NRXN3: variants seen among roughly 807,000 people sequenced by gnomAD.
NRXN3 encodes the protein neurexin 3, also known as neurexin III.
Under a neutral mutation model 137.6 loss-of-function variants are expected in NRXN3, and 32 were observed. That is an observed-to-expected ratio of 0.23 (90% confidence interval 0.18 to 0.31). NRXN3 has a LOEUF of 0.31. Among genes scored for constraint, NRXN3 ranks in the 10% least tolerant of loss-of-function variants. NRXN3 has a pLI of 1.00. For synonymous variants in NRXN3, 798 were observed against 784.5 expected, an observed-to-expected ratio of 1.02 and a Z score of -0.29; for missense variants, 1,574 against 2,062.5, an observed-to-expected ratio of 0.76 and a Z score of 4.59.
At chr14:78,570,665 AG>A (rs1421799146) in intron 4 of NRXN3, among the ~76,000 whole-genome samples, 1 of 152,220 alleles carries the variant, frequency 6.6e-6, no homozygotes, top group Non-Finnish European at 1.5e-5. Flanking sequence ...AGTCTGGTCA[AG>A]GGCTATGTTG....
At chr14:78,467,537 G>A (rs1443913067) in intron 4 of NRXN3, among the ~76,000 whole-genome samples, 2 of 152,190 alleles carry the variant, frequency 1.3e-5, no homozygotes, top group Non-Finnish European at 2.9e-5. Context: ...TACTCTGTGT[G>A]TTATGTTGAC....
intron 16 of NRXN3, among the ~76,000 whole-genome samples, chr14:79,517,648 T>C (rs1269842426): frequency 7.3e-6 from 1 of 137,434 alleles, no homozygotes; most frequent in Non-Finnish European, 1.6e-5. Flanking sequence ...GGACGTGAGG[T>C]ATTGATACAA....
chr14:79,536,757 G>C (rs1413157203), intron 16 of NRXN3, among the ~76,000 whole-genome samples: 2 of 151,994 alleles, frequency 1.3e-5, no homozygotes, highest in African/African-American at 4.8e-5. Context: ...ATGGCTTCCA[G>C]CTCCCTCCAT....
intron 4 of NRXN3, among the ~76,000 whole-genome samples, chr14:78,602,267 C>CTTTTTTTTTTTTTTTTTTTTTTTTTTT (rs370669288): frequency 1.7e-5 from 2 of 115,282 alleles, no homozygotes; most frequent in East Asian, 2.9e-4. Flanking sequence ...TCACATTAGC[C>CTTTTTTTTTTTTTTTTTTTTTTTTTTT]TTTTTTTTTT....
intron 15 of NRXN3, among the ~76,000 whole-genome samples, chr14:79,383,162 A>G (rs776486735): frequency 4.6e-5 from 7 of 152,170 alleles, no homozygotes; most frequent in Non-Finnish European, 7.3e-5. Flanking sequence ...CTTGAATTTC[A>G]GTGGACTAGG....
At chr14:79,297,350 CTTTTTAAAAG>C (rs1326707711) in intron 15 of NRXN3, among the ~76,000 whole-genome samples, 1 of 151,958 alleles carries the variant, frequency 6.6e-6, no homozygotes, top group African/African-American at 2.4e-5. Context: ...AAATAACTGA[CTTTTTAAAAG>C]TACAGGTATG....
At chr14:79,759,087 T>G (rs1364387890) in intron 19 of NRXN3, among the ~76,000 whole-genome samples, 1 of 152,198 alleles carries the variant, frequency 6.6e-6, no homozygotes, top group Non-Finnish European at 1.5e-5. Flanking sequence ...GTAATAAGAT[T>G]TTTTTAGATA....
intron 16 of NRXN3, chr14:79,632,486 G>A (rs2098364068): frequency 6.6e-6 from 1 of 151,998 alleles, no homozygotes; most frequent in South Asian, 2.1e-4. Context: ...GTGGAAACAA[G>A]AAGGCCAGAG....
At chr14:79,705,421 T>A (rs1368997934) in intron 19 of NRXN3, among the ~76,000 whole-genome samples, 1 of 152,164 alleles carries the variant, frequency 6.6e-6, no homozygotes, top group Non-Finnish European at 1.5e-5. Flanking sequence ...GTGAAACCGG[T>A]GAGGCAGGAT....
At chr14:78,914,156 A>G (rs2099248634) in intron 10 of NRXN3, among the ~76,000 whole-genome samples, 1 of 152,122 alleles carries the variant, frequency 6.6e-6, no homozygotes, top group African/African-American at 2.4e-5. Flanking sequence ...TCCAACCAAC[A>G]CCTCATTTAT....
intron 4 of NRXN3, among the ~76,000 whole-genome samples, chr14:78,567,667 G>A (rs1318519357): frequency 3.9e-5 from 6 of 152,032 alleles, no homozygotes; most frequent in South Asian, 4.2e-4. Flanking sequence ...ACCTCTTATC[G>A]AGTGGGGTTT....
chr14:78,455,179 A>C (rs972600545), intron 4 of NRXN3, among the ~76,000 whole-genome samples: 1 of 152,146 alleles, frequency 6.6e-6, no homozygotes, highest in Non-Finnish European at 1.5e-5. Context: ...CACCCCCTAC[A>C]TGGGACCTTC....
intron 15 of NRXN3, among the ~76,000 whole-genome samples, chr14:79,022,517 A>G (rs10450893): frequency 0.06 from 9,151 of 152,180 alleles, 834 homozygotes; most frequent in African/African-American, 0.2. Flanking sequence ...TATTATTGGG[A>G]ACACACACGA....
At chr14:79,612,125 G>A (rs1479876910) in intron 16 of NRXN3, among the ~76,000 whole-genome samples, 1 of 152,142 alleles carries the variant, frequency 6.6e-6, no homozygotes, top group Non-Finnish European at 1.5e-5. Context: ...TAATGTCAAT[G>A]CCTAGTAAAT....
rs538272480 is a variant in NRXN3 at position 78,866,634 on chromosome 14, C to T, written c.2275+56290C>T. 6.7e-4 allele frequency among the ~76,000 whole-genome samples: 102 copies of T among 152,126 alleles called. 2 individuals carry two copies. In the South Asian group the frequency reaches 0.02, roughly 30 times the overall value. On this transcript the variant is annotated intron_variant, in intron 10 of 20. Transcript: ENST00000335750. ...TCTTCATAATGAAATAGTGTTCCTACTGATAGATTAACCTATCATAGCTTC... is the reference window on the plus strand; with the variant it reads ...TCTTCATAATGAAATAGTGTTCCTATTGATAGATTAACCTATCATAGCTTC...
intron 15 of NRXN3, among the ~76,000 whole-genome samples, chr14:79,058,896 C>T (rs1419574517): frequency 6.6e-6 from 1 of 152,194 alleles, no homozygotes; most frequent in African/African-American, 2.4e-5. Context: ...AGATTGCTTT[C>T]CATTCACCTT....
intron 15 of NRXN3, among the ~76,000 whole-genome samples, chr14:79,053,258 T>C (rs1452843472): frequency 6.6e-6 from 1 of 152,216 alleles, no homozygotes; most frequent in African/African-American, 2.4e-5. Context: ...TACAGCTTGA[T>C]GTATGTTAAC....
intron 10 of NRXN3, among the ~76,000 whole-genome samples, chr14:78,860,277 G>A (rs80009521): frequency 0.022 from 3,293 of 152,026 alleles, 132 homozygotes; most frequent in African/African-American, 0.076. Flanking sequence ...TTATCTATAC[G>A]GAGAGTGAGG....
chr14:79,711,069 C>G (rs1459825622), intron 19 of NRXN3, among the ~76,000 whole-genome samples: 1 of 152,010 alleles, frequency 6.6e-6, no homozygotes, highest in Admixed American at 6.6e-5. Context: ...CAAAAAAGAC[C>G]AAATTTCAAA....
Sources: allele counts gnomAD v4.1 joint callset (sites outside exome capture counted in the v4.1 genomes callset), GRCh38; gene constraint gnomAD v4.1.1; transcripts MANE v1.5; gene names NCBI Gene and HGNC (gene_info 2026-07-23, HGNC 2026-07-21).